The following MAML3 variants were observed in gnomAD, a reference collection of about 807,000 sequenced individuals.
The protein encoded by MAML3 is mastermind like transcriptional coactivator 3, also known as mastermind-like protein 3.
In MAML3, 27 loss-of-function variants were observed where a neutral mutation model predicts 101.9. That is an observed-to-expected ratio of 0.27 (90% CI 0.20 to 0.37). The LOEUF is 0.37. Among genes scored for constraint, MAML3 ranks in the 10% least tolerant of loss-of-function variants. The pLI is 1.00. For missense variants in MAML3, 1,316 were observed against 1,444.9 expected, an observed-to-expected ratio of 0.91 and a Z score of 1.45; for synonymous variants, 501 against 555.9, an observed-to-expected ratio of 0.90 and a Z score of 1.39.
At chr4:140,113,319 A>C (rs1293354577) in intron 1 of MAML3, among the ~76,000 whole-genome samples, 1 of 152,164 alleles carries the variant, frequency 6.6e-6, no homozygotes, top group Non-Finnish European at 1.5e-5. Flanking sequence ...AATTAAAAAA[A>C]AGTAAAGCAC....
chr4:139,758,979 T>C (rs1729705917), intron 2 of MAML3, among the ~76,000 whole-genome samples: 3 of 152,258 alleles, frequency 2.0e-5, no homozygotes, highest in Non-Finnish European at 4.4e-5. Flanking sequence ...GTTAGATGTT[T>C]GTCCATCCAT....
intron 1 of MAML3, among the ~76,000 whole-genome samples, chr4:139,915,308 C>T (rs1440497996): frequency 1.3e-5 from 2 of 152,186 alleles, no homozygotes; most frequent in Non-Finnish European, 2.9e-5. Flanking sequence ...TCTTTGGAAG[C>T]AGATTCATGC....
intron 1 of MAML3, among the ~76,000 whole-genome samples, chr4:140,024,526 C>T (rs149734134): frequency 1.3e-5 from 2 of 152,222 alleles, no homozygotes; most frequent in Admixed American, 6.5e-5. Context: ...GGATTACAGG[C>T]GTGTGCTGGG....
At position 140,135,376 on chromosome 4, in the gene MAML3, T is replaced by G. The variant is rs1390304417; in HGVS notation, c.468+17484A>C. Among the ~76,000 whole-genome samples the G allele has an allele frequency of 2.0e-5, 3 of 152,226 alleles. No homozygotes were observed. In the East Asian group the frequency reaches 5.8e-4, roughly 29 times the overall value. On this transcript the variant is annotated intron_variant, in intron 1 of 4. Coordinates refer to ENST00000509479, the MANE Select transcript of MAML3 (RefSeq NM_018717.5). Reference sequence around the variant, plus strand: ...TTAAAAACAAAACAACTTTCACTCCTACAAGAAGTACTGAGCACCAATGAA... The same window carrying G: ...TTAAAAACAAAACAACTTTCACTCCGACAAGAAGTACTGAGCACCAATGAA...
chr4:140,140,414 T>A (rs1161791017), intron 1 of MAML3, among the ~76,000 whole-genome samples: 1 of 152,186 alleles, frequency 6.6e-6, no homozygotes, highest in Admixed American at 6.5e-5. Context: ...AGAGAGAAGT[T>A]TTTAATTTTA....
intron 2 of MAML3, among the ~76,000 whole-genome samples, chr4:139,736,806 T>C (rs750456572): frequency 6.6e-6 from 1 of 152,162 alleles, no homozygotes; most frequent in Non-Finnish European, 1.5e-5. Flanking sequence ...CGATGTCCCA[T>C]AGAGAATCAT....
chr4:140,108,519 G>A (rs1036360815), intron 1 of MAML3, among the ~76,000 whole-genome samples: 4 of 150,730 alleles, frequency 2.7e-5, no homozygotes, highest in Non-Finnish European at 5.9e-5. Context: ...TCTTATCTGC[G>A]AAATGATAAT....
intron 2 of MAML3, among the ~76,000 whole-genome samples, chr4:139,757,233 T>C (rs1387520347): frequency 1.3e-5 from 2 of 152,162 alleles, no homozygotes; most frequent in African/African-American, 4.8e-5. Context: ...CCCTTGGAGC[T>C]CTCTGCTACT....
chr4:139,947,814 A>G (rs1733757535), intron 1 of MAML3, among the ~76,000 whole-genome samples: 1 of 152,158 alleles, frequency 6.6e-6, no homozygotes, highest in Non-Finnish European at 1.5e-5. Context: ...ACTAAAAGCT[A>G]CCACTTGCTG....
chr4:140,117,892 G>T (rs1244048829), intron 1 of MAML3, among the ~76,000 whole-genome samples: 2 of 152,024 alleles, frequency 1.3e-5, no homozygotes, highest in African/African-American at 4.8e-5. Context: ...GATTAAGAAG[G>T]AAAGATTAAT....
In MAML3 at chr4:139,785,200, T is replaced by C. The variant is rs1299744866; in HGVS notation, c.2080-54533A>G. Among the ~76,000 whole-genome samples the C allele has an allele frequency of 2.0e-5, 3 of 152,224 alleles. No homozygotes were observed. Among genetic ancestry groups the C allele is most frequent in the Admixed American group, 6.5e-5 (1 of 15,284 alleles). ...ACATGGCTCCTGGGTGCTCAATGTC[T>C]GAACCACAGCCTGCCCCTCAGCTTC... is the stretch of plus-strand genomic sequence containing the variant. On this transcript the variant is annotated intron_variant, in intron 2 of 4. Transcript: ENST00000509479. The surrounding 1 kb of genome is among the most constrained non-coding windows in gnomAD (Gnocchi z 4.3).
intron 2 of MAML3, among the ~76,000 whole-genome samples, chr4:139,771,642 T>C (rs1191484804): frequency 6.6e-6 from 1 of 152,222 alleles, no homozygotes; most frequent in South Asian, 2.1e-4. Flanking sequence ...AATAATTTTC[T>C]GGTTGAGAAA....
chr4:140,052,721 G>A lies in MAML3; in HGVS notation c.468+100139C>T, dbSNP rs891761777. Among the ~76,000 whole-genome samples, 5 of 152,040 alleles carry A rather than the reference G, an allele frequency of 3.3e-5. No individual in the cohort carries two copies. In the East Asian group the frequency reaches 9.7e-4, roughly 29 times the overall value. On this transcript the variant is annotated intron_variant, in intron 1 of 4. Coordinates refer to ENST00000509479, the MANE Select transcript of MAML3 (RefSeq NM_018717.5). ...GGCTAATTTTTGTATTTTTAGTAGAGACAGAGTTTCACCATGTTGCCCAGG... is the reference window on the plus strand; with the variant it reads ...GGCTAATTTTTGTATTTTTAGTAGAAACAGAGTTTCACCATGTTGCCCAGG...
At chr4:139,902,427 T>C (rs1315358714) in intron 1 of MAML3, among the ~76,000 whole-genome samples, 1 of 152,194 alleles carries the variant, frequency 6.6e-6, no homozygotes, top group Non-Finnish European at 1.5e-5. Context: ...ATTGACCAAT[T>C]ACGGAACTGT....
At chr4:139,822,217 TATCACC>T (rs1029877856) in intron 2 of MAML3, among the ~76,000 whole-genome samples, 3 of 142,518 alleles carry the variant, frequency 2.1e-5, no homozygotes, top group African/African-American at 5.1e-5. Flanking sequence ...TCATTATCAT[TATCACC>T]ATCACCACCA....
intron 1 of MAML3, among the ~76,000 whole-genome samples, chr4:139,989,079 C>T (rs1003748032): frequency 6.6e-6 from 1 of 152,070 alleles, no homozygotes; most frequent in East Asian, 1.9e-4. Flanking sequence ...GCAGAACTGC[C>T]CCTTCTCGAC....
At chr4:139,828,996 AG>A (rs200993474) in intron 2 of MAML3, among the ~76,000 whole-genome samples, 2,669 of 135,792 alleles carry the variant, frequency 0.02, 77 homozygotes, top group African/African-American at 0.064. Flanking sequence ...GAAGGAAGGA[AG>A]GAAGGAAGGA....
At chr4:139,891,005 A>C in intron 1 of MAML3, 38 bp from the exon 2 acceptor site, 5 of 1,582,666 alleles carry the variant, frequency 3.2e-6, no homozygotes, top group Non-Finnish European at 4.3e-6. Flanking sequence ...CTAAACCTCC[A>C]AGTCATATTT....
intron 1 of MAML3, among the ~76,000 whole-genome samples, chr4:140,010,362 T>C (rs1028975121): frequency 6.6e-6 from 1 of 152,202 alleles, no homozygotes; most frequent in Non-Finnish European, 1.5e-5. Context: ...CACACACACA[T>C]ATTTATGTTT....
Sources: gnomAD v4.1 joint callset for allele counts (sites outside exome capture counted in the v4.1 genomes callset) on GRCh38, gnomAD v4.1.1 for gene constraint, Gnocchi (gnomAD v3.1) non-coding constraint, MANE v1.5 for transcripts, NCBI Gene and HGNC (gene_info 2026-07-23, HGNC 2026-07-21) for gene names.